MAGI2: variants seen among roughly 807,000 people sequenced by gnomAD.
The protein encoded by MAGI2 is membrane associated guanylate kinase, WW and PDZ domain containing 2.
In MAGI2, 35 loss-of-function variants were observed where a neutral mutation model predicts 133.3. The observed-to-expected ratio is 0.26, with a 90% confidence interval of 0.20 to 0.35. MAGI2 has a LOEUF of 0.35. Ranked by LOEUF, MAGI2 falls within the 10% of genes least tolerant of loss-of-function variation. The pLI is 1.00. For missense variants in MAGI2, 1,636 were observed against 1,863.4 expected, an observed-to-expected ratio of 0.88 and a Z score of 2.25; for synonymous variants, 729 against 710.6, an observed-to-expected ratio of 1.03 and a Z score of -0.41.
At chr7:78,288,944 T>C (rs1461901069) in intron 9 of MAGI2, among the ~76,000 whole-genome samples, 4 of 152,114 alleles carry the variant, frequency 2.6e-5, no homozygotes, top group African/African-American at 9.7e-5. Flanking sequence ...CAAAACCCCA[T>C]CTGTACGTCA....
chr7:79,399,244 G>A (rs1452248589), intron 1 of MAGI2, among the ~76,000 whole-genome samples: 3 of 151,672 alleles, frequency 2.0e-5, no homozygotes, highest in Non-Finnish European at 2.9e-5. Flanking sequence ...ACAGGTGCAT[G>A]CTACCATACC....
At position 78,132,925 on chromosome 7, in the gene MAGI2, G is replaced by C. The variant is rs745496243; in HGVS notation, c.3167C>G (p.Pro1056Arg). Residue 1056 changes from proline to arginine, a missense_variant, in exon 18 of 22, where the codon CCA becomes CGA. Pro to Arg is a moderately radical substitution (Grantham distance 103, BLOSUM62 -2). This residue lies in a region of MAGI2 where 920 missense variants were observed against 1,093.5 expected (regional missense o/e 0.84). Coordinates refer to ENST00000354212, the MANE Select transcript of MAGI2 (RefSeq NM_012301.4). Reference sequence around the variant, plus strand: ...TCCTTGCAGCTGAAGTGGTTGAGGTGGTGCTGGCTGGGCGATGGGGCTGTT... The same window carrying C: ...TCCTTGCAGCTGAAGTGGTTGAGGTCGTGCTGGCTGGGCGATGGGGCTGTT... Reference protein sequence around the residue: ...TPNSPIAQPAPPQPLQLQGHE... With the variant: ...TPNSPIAQPARPQPLQLQGHE... 1 of 1,613,930 alleles carries C rather than the reference G, an allele frequency of 6.2e-7. No individual in the cohort carries two copies. The highest frequency in any genetic ancestry group is 1.3e-5 in the African/African-American group (1 of 74,906).
In MAGI2 at chr7:78,536,758, TG is replaced by T. The variant is rs1455289337; in HGVS notation, c.539-15114del. Among the ~76,000 whole-genome samples the T allele has an allele frequency of 6.0e-3, 528 of 88,708 alleles. 8 individuals are homozygous for T. Among genetic ancestry groups the T allele is most frequent in the African/African-American group, 0.024 (481 of 19,652 alleles). The allele number at this position is 88,708 out of a possible 152,430, so 58.2% of individuals were successfully genotyped here. ...ATAGTTTTTTTTTTGTTTTTGTTGT[TG>T]TTTTTTTTTTTTTTTTCTGGAGACA... On this transcript the variant is annotated intron_variant, in intron 3 of 21. Coordinates refer to ENST00000354212, the MANE Select transcript of MAGI2 (RefSeq NM_012301.4).
At chr7:79,302,138 T>C (rs569430023) in intron 1 of MAGI2, among the ~76,000 whole-genome samples, 1 of 152,362 alleles carries the variant, frequency 6.6e-6, no homozygotes, top group Non-Finnish European at 1.5e-5. Flanking sequence ...AATGGCCTAA[T>C]ACAGTCAGTA....
In MAGI2 at chr7:78,437,415, C is replaced by T. The variant is rs540650549; in HGVS notation, c.1045+52346G>A. Among the ~76,000 whole-genome samples the T allele has an allele frequency of 3.3e-5, 5 of 152,288 alleles. No homozygotes were observed. The East Asian group carries it at 9.6e-4, about 29-fold the overall frequency. ...AACACTTTCTTCACTGAGGGCATAA[C>T]AGATTCTAAATAGAAAGCAGTGGTA... On this transcript the variant is annotated intron_variant, in intron 6 of 21. Transcript: ENST00000354212.
intron 20 of MAGI2, among the ~76,000 whole-genome samples, chr7:78,109,419 T>C (rs1214013918): frequency 4.3e-5 from 6 of 140,912 alleles, no homozygotes; most frequent in Non-Finnish European, 9.0e-5. Context: ...CATCACGAGG[T>C]CAGAAGATCG....
intron 1 of MAGI2, among the ~76,000 whole-genome samples, chr7:79,323,305 T>A (rs1336539100): frequency 1.3e-5 from 2 of 152,260 alleles, no homozygotes; most frequent in South Asian, 4.1e-4. Flanking sequence ...GACATTCAGA[T>A]TGCATGATAT....
At chr7:78,963,437 T>C (rs756009846) in intron 2 of MAGI2, among the ~76,000 whole-genome samples, 2 of 152,096 alleles carry the variant, frequency 1.3e-5, no homozygotes, top group Non-Finnish European at 2.9e-5. Context: ...AAAACATCTT[T>C]GTAGAAAATG....
At chr7:78,410,264 G>A (rs1336437983) in intron 6 of MAGI2, among the ~76,000 whole-genome samples, 3 of 152,020 alleles carry the variant, frequency 2.0e-5, no homozygotes, top group African/African-American at 4.8e-5. Flanking sequence ...ATTAAAACTC[G>A]ACCCTGCTAT....
At chr7:78,559,595 A>T (rs1186653224) in intron 3 of MAGI2, among the ~76,000 whole-genome samples, 1 of 152,090 alleles carries the variant, frequency 6.6e-6, no homozygotes, top group Non-Finnish European at 1.5e-5. Context: ...TTAAGCTTAA[A>T]ATTGTCCTGC....
chr7:79,123,875 A>G (rs1051295872), intron 1 of MAGI2, among the ~76,000 whole-genome samples: 18 of 150,286 alleles, frequency 1.2e-4, no homozygotes, highest in African/African-American at 4.4e-4. Flanking sequence ...AGCAGTCACT[A>G]TTTTACTCGT....
At chr7:78,403,718 T>C (rs1486802255) in intron 6 of MAGI2, among the ~76,000 whole-genome samples, 1 of 152,182 alleles carries the variant, frequency 6.6e-6, no homozygotes, top group East Asian at 1.9e-4. Flanking sequence ...GGTATCTCAT[T>C]GTGGTTTTGA....
intron 1 of MAGI2, among the ~76,000 whole-genome samples, chr7:79,405,141 T>C (rs942089819): frequency 6.6e-6 from 1 of 152,124 alleles, no homozygotes; most frequent in Non-Finnish European, 1.5e-5. Context: ...AATTGGAAAG[T>C]TGTATTTGCT....
At chr7:78,181,144 G>A (rs1180283366) in intron 13 of MAGI2, among the ~76,000 whole-genome samples, 1 of 151,946 alleles carries the variant, frequency 6.6e-6, no homozygotes, top group African/African-American at 2.4e-5. Context: ...CTGGCCCGAC[G>A]ACATGTTTCA....
At chr7:78,959,601 G>A (rs1242591261) in intron 2 of MAGI2, among the ~76,000 whole-genome samples, 2 of 152,190 alleles carry the variant, frequency 1.3e-5, no homozygotes, top group East Asian at 3.9e-4. Context: ...GATGGTGACT[G>A]TCTGATGTAT....
chr7:79,159,792 C>T (rs1824183220), intron 1 of MAGI2, among the ~76,000 whole-genome samples: 1 of 151,970 alleles, frequency 6.6e-6, no homozygotes, highest in African/African-American at 2.4e-5. Context: ...TTTTTGTTGG[C>T]TCCTATAATG....
chr7:78,464,913 A>G lies in MAGI2; in HGVS notation c.1045+24848T>C, dbSNP rs190398063. On this transcript the variant is annotated intron_variant, in intron 6 of 21. Transcript: ENST00000354212. ...GTTTTAGTCTAAGAATATTAATACC[A>G]TTGCTATCAACCCTCAGGAATGAGT... 5.1e-3 allele frequency among the ~76,000 whole-genome samples: 770 copies of G among 152,248 alleles called. 9 individuals are homozygous for G. Among genetic ancestry groups the G allele is most frequent in the African/African-American group, 0.018 (732 of 41,558 alleles).
intron 21 of MAGI2, among the ~76,000 whole-genome samples, chr7:78,041,190 A>T (rs923774257): frequency 2.2e-4 from 33 of 152,184 alleles, no homozygotes; most frequent in African/African-American, 7.5e-4. Context: ...AGCCTCAGAC[A>T]CTGCACAAGA....
intron 2 of MAGI2, among the ~76,000 whole-genome samples, chr7:78,965,891 C>A (rs186883537): frequency 1.3e-5 from 2 of 152,014 alleles, no homozygotes; most frequent in African/African-American, 4.8e-5. Flanking sequence ...TAGGACTCTG[C>A]GGAATCAAAA....
Sources: allele counts gnomAD v4.1 joint callset (sites outside exome capture counted in the v4.1 genomes callset), GRCh38; gene constraint gnomAD v4.1.1; regional missense constraint gnomAD v4.1.1; transcripts MANE v1.5; gene names NCBI Gene and HGNC (gene_info 2026-07-23, HGNC 2026-07-21).